KIAA1671: variants seen among roughly 807,000 people sequenced by gnomAD.
KIAA1671 encodes uncharacterized protein KIAA1671.
In KIAA1671, 52 loss-of-function variants were observed where a neutral mutation model predicts 131.2. That is an observed-to-expected ratio of 0.40 (90% CI 0.32 to 0.50). KIAA1671 has a LOEUF of 0.50. Among genes scored for constraint, KIAA1671 ranks in the 20% least tolerant of loss-of-function variants. KIAA1671 has a pLI of 0.73. For synonymous variants in KIAA1671, 1,003 were observed against 961.6 expected (o/e 1.04, Z -0.80); for missense variants, 2,360 against 2,364.2 (o/e 1.00, Z 0.04).
In KIAA1671 at chr22:25,181,818, C is replaced by G; in HGVS notation, c.5194C>G (p.Leu1732Val). ...GTTTCCAGGCATGGATCCGGCAGTG[C>G]TAAAGGTACCAGACCTCTCACCAAG... is the stretch of plus-strand genomic sequence containing the variant. ...PAFPGMDPAV[L>V]KAQLHKRPEV... The change falls in exon 10 of 13, where the codon CTA becomes GTA. Residue 1732 changes from leucine to valine, a missense_variant. Physicochemically the swap from Leu to Val is conservative, Grantham distance 32. Coordinates refer to ENST00000358431, the MANE Select transcript of KIAA1671 (RefSeq NM_001145206.2). 1.9e-6 allele frequency: 3 copies of G among 1,551,466 alleles called. No homozygotes were observed. Among genetic ancestry groups the G allele is most frequent in the Non-Finnish European group, 2.6e-6 (3 of 1,146,884 alleles).
At chr22:25,045,388 C>A (rs1927166872) in intron 5 of KIAA1671, among the ~76,000 whole-genome samples, 1 of 152,196 alleles carries the variant, frequency 6.6e-6, no homozygotes, top group Non-Finnish European at 1.5e-5. Flanking sequence ...TGGGTAGAAG[C>A]CAAGCATGCT....
In KIAA1671 at chr22:25,072,006, G is replaced by T. The variant is rs149391080; in HGVS notation, c.4530+22642G>T. Among the ~76,000 whole-genome samples, 508 of 152,270 alleles carry T rather than the reference G, an allele frequency of 3.3e-3. 4 individuals are homozygous for T. The highest frequency in any genetic ancestry group is 0.012 in the African/African-American group (481 of 41,552). On this transcript the variant is annotated intron_variant, in intron 6 of 12. Coordinates refer to ENST00000358431, the MANE Select transcript of KIAA1671 (RefSeq NM_001145206.2). Reference sequence around the variant, plus strand: ...TCGTTGGGGTGCAGGGGCCAGGAGAGCCTCCCCAAGGAAGCTGAGTGCTGG... The same window carrying T: ...TCGTTGGGGTGCAGGGGCCAGGAGATCCTCCCCAAGGAAGCTGAGTGCTGG...
intron 4 of KIAA1671, among the ~76,000 whole-genome samples, chr22:25,035,915 C>T (rs1926565349): frequency 2.6e-5 from 4 of 152,092 alleles, no homozygotes; most frequent in East Asian, 1.9e-4. Flanking sequence ...TAGTAAAATA[C>T]ACATAACAGG....
chr22:25,018,393 T>A (rs1376730957), intron 1 of KIAA1671, among the ~76,000 whole-genome samples: 9 of 152,072 alleles, frequency 5.9e-5, no homozygotes, highest in African/African-American at 1.7e-4. Context: ...TTTTTTTTTT[T>A]AATTGCAGTA....
At chr22:24,957,965 C>CT (rs140702390) in intron 1 of KIAA1671, among the ~76,000 whole-genome samples, 6,099 of 114,442 alleles carry the variant, frequency 0.053, 489 homozygotes, top group African/African-American at 0.18. Context: ...GGCACCCGGC[C>CT]TTTTTTTTTT....
intron 1 of KIAA1671, among the ~76,000 whole-genome samples, chr22:24,985,748 A>ATGTGTGTG (rs59858869): frequency 7.2e-6 from 1 of 138,284 alleles, no homozygotes; most frequent in South Asian, 2.3e-4. Context: ...GTGTGTGTGT[A>ATGTGTGTG]TGTGTGTGTG....
chr22:24,994,129 T>C (rs980017979), intron 1 of KIAA1671, among the ~76,000 whole-genome samples: 1 of 152,114 alleles, frequency 6.6e-6, no homozygotes, highest in African/African-American at 2.4e-5. Context: ...TACAACCTCA[T>C]CATCTTGGTA....
chr22:25,100,240 T>A (rs1323756211), intron 6 of KIAA1671, among the ~76,000 whole-genome samples: 1 of 152,180 alleles, frequency 6.6e-6, no homozygotes, highest in African/African-American at 2.4e-5. Flanking sequence ...CCAGACCTGC[T>A]GGTCACTGGA....
In KIAA1671 at chr22:24,983,607, T is replaced by TG. The variant is rs533288311; in HGVS notation, c.-208+30842dup. Reference sequence around the variant, plus strand: ...TCAGACTTAAAGGATGTGTGTATGGTGGGGGGGCGGGGGTGGTTCAAGGTG... The same window carrying TG: ...TCAGACTTAAAGGATGTGTGTATGGTGGGGGGGGCGGGGGTGGTTCAAGGTG... On this transcript the variant is annotated intron_variant, in intron 1 of 12. Transcript: ENST00000358431. Among the ~76,000 whole-genome samples the TG allele has an allele frequency of 6.7e-3, 784 of 117,170 alleles. 5 individuals are homozygous for TG. The highest frequency in any genetic ancestry group is 0.024 in the African/African-American group (737 of 31,040). The allele number at this position is 117,170 out of a possible 152,430, so 76.9% of individuals were successfully genotyped here. A position where few individuals can be genotyped will look rare whatever the true frequency, so the allele number is the denominator to read the frequency against.
intron 1 of KIAA1671, among the ~76,000 whole-genome samples, chr22:24,977,862 A>G (rs979374205): frequency 6.6e-6 from 1 of 152,202 alleles, no homozygotes; most frequent in African/African-American, 2.4e-5. Context: ...TTCCATACTC[A>G]TAAGTGGCTT....
chr22:25,093,854 C>CTT lies in KIAA1671; in HGVS notation c.4530+44491_4530+44492insTT, dbSNP rs1568951703. Among the ~76,000 whole-genome samples, 18 of 114,806 alleles carry CTT rather than the reference C, an allele frequency of 1.6e-4. 1 individual carries two copies. The highest frequency in any genetic ancestry group is 5.2e-4 in the African/African-American group (17 of 32,596). 75.3% of individuals were successfully genotyped at this position (114,806 alleles called of 152,430 possible). A position where few individuals can be genotyped will look rare whatever the true frequency, so the allele number is the denominator to read the frequency against. ...TCTCTGTCTGTCTCTCTCTCTCTCT[C>CTT]TCTCTCTCTCTCTCTCTCTCTCTCT... On this transcript the variant is annotated intron_variant, in intron 6 of 12. Coordinates refer to ENST00000358431, the MANE Select transcript of KIAA1671 (RefSeq NM_001145206.2).
chr22:25,028,498 G>T lies in KIAA1671; in HGVS notation c.499G>T (p.Ala167Ser), dbSNP rs866531061. 544 of 1,549,264 alleles carry T rather than the reference G, an allele frequency of 3.5e-4. 1 individual carries two copies. The African/African-American group carries it at 6.8e-3, about 19-fold the overall frequency. ...GGCGGTTAGTGAGGGGGCGGAGGAGGCCAAGCTAGGTGTGTCCGGCTCCCG... is the reference window on the plus strand; with the variant it reads ...GGCGGTTAGTGAGGGGGCGGAGGAGTCCAAGCTAGGTGTGTCCGGCTCCCG... ...GKAVSEGAEE[A>S]KLGVSGSRPE... Residue 167 changes from alanine to serine, a missense_variant, in exon 3 of 13, where the codon GCC becomes TCC. By Grantham distance (99) the Ala-to-Ser change is moderately conservative. Transcript: ENST00000358431.
intron 7 of KIAA1671, among the ~76,000 whole-genome samples, chr22:25,172,297 G>T (rs1331739286): frequency 1.3e-5 from 2 of 152,094 alleles, no homozygotes; most frequent in African/African-American, 4.8e-5. Flanking sequence ...CTGAGGGGGT[G>T]CTCCCTGCTG....
chr22:25,142,868 T>A lies in KIAA1671; in HGVS notation c.4531-27952T>A, dbSNP rs372562312. ...AGAGCAAGACTCCATCTCAAAAAAA[T>A]AAATAAATAATAAAATAAACCAGGT... is the stretch of plus-strand genomic sequence containing the variant. On this transcript the variant is annotated intron_variant, in intron 6 of 12. Coordinates refer to ENST00000358431, the MANE Select transcript of KIAA1671 (RefSeq NM_001145206.2). Among the ~76,000 whole-genome samples the A allele has an allele frequency of 8.3e-4, 126 of 152,118 alleles. 1 individual carries two copies. Among genetic ancestry groups the A allele is most frequent in the Admixed American group, 2.1e-3 (32 of 15,268 alleles).
intron 1 of KIAA1671, among the ~76,000 whole-genome samples, chr22:24,970,328 C>G (rs927986858): frequency 6.6e-6 from 1 of 152,106 alleles, no homozygotes; most frequent in East Asian, 1.9e-4. Context: ...CCCAGAAGGC[C>G]AGAGAGAGGA....
rs1934724094 is a variant in KIAA1671, at chr22:25,193,209, C to T, written c.*808C>T. ...TCCAGTCACCTCAGGTTATCTTATC[C>T]CTATCCAAGCTGTTTAGAAGTTATA... On this transcript the variant is annotated 3_prime_UTR_variant, in exon 13 of 13. Coordinates refer to ENST00000358431, the MANE Select transcript of KIAA1671 (RefSeq NM_001145206.2). 1 of 152,078 alleles carries T rather than the reference C, an allele frequency of 6.6e-6. No individual in the cohort carries two copies. The highest frequency in any genetic ancestry group is 2.4e-5 in the African/African-American group (1 of 41,398). The allele number at this position is 152,078 out of a possible 1,614,324, so 9.4% of individuals were successfully genotyped here.
chr22:24,964,000 C>T (rs1403156671), intron 1 of KIAA1671, among the ~76,000 whole-genome samples: 6 of 151,096 alleles, frequency 4.0e-5, no homozygotes, highest in African/African-American at 1.2e-4. Flanking sequence ...TTTATGCAGA[C>T]CCCACTTTTG....
At chr22:25,073,389 A>G (rs1390861554) in intron 6 of KIAA1671, among the ~76,000 whole-genome samples, 1 of 142,886 alleles carries the variant, frequency 7.0e-6, no homozygotes, top group Non-Finnish European at 1.6e-5. Flanking sequence ...AAAGTTTTAA[A>G]TAAATTTTAA....
chr22:25,041,254 C>T lies in KIAA1671; in HGVS notation c.4124C>T (p.Thr1375Ile). The T allele has an allele frequency of 6.4e-7, 1 of 1,551,732 alleles. No individual in the cohort carries two copies. Among genetic ancestry groups the T allele is most frequent in the Non-Finnish European group, 8.7e-7 (1 of 1,147,012 alleles). The change falls in exon 5 of 13, where the codon ACC becomes ATC. Residue 1375 changes from threonine to isoleucine, a missense_variant. Transcript: ENST00000358431. Reference protein sequence around the residue: ...KSPPTDQKKGTPRKSTGRGEE... With the variant: ...KSPPTDQKKGIPRKSTGRGEE... ...CCCCCCACTGACCAGAAGAAAGGGA[C>T]CCCAAGGAAATCCACCGGGCGGGGA...
Sources: allele counts gnomAD v4.1 joint callset (sites outside exome capture counted in the v4.1 genomes callset), GRCh38; gene constraint gnomAD v4.1.1; transcripts MANE v1.5; gene names NCBI Gene and HGNC (gene_info 2026-07-23, HGNC 2026-07-21).